Variants in SPATS2 observed in about 807,000 individuals in gnomAD.
The protein encoded by SPATS2 is spermatogenesis-associated serine-rich protein 2.
Under a neutral mutation model 63.7 loss-of-function variants are expected in SPATS2, and 38 were observed. The observed-to-expected ratio is 0.60, with a 90% CI of 0.46 to 0.78. SPATS2 has a LOEUF of 0.78. Among genes scored for constraint, SPATS2 ranks in the 30% least tolerant of loss-of-function variants. The pLI is 0.00. For synonymous variants in SPATS2, 207 were observed against 232.9 expected (o/e 0.89, Z 1.01); for missense variants, 588 against 666.2 (o/e 0.88, Z 1.29).
chr12:49,458,678 C>T (rs1028449648), intron 2 of SPATS2, among the ~76,000 whole-genome samples: 2 of 151,216 alleles, frequency 1.3e-5, no homozygotes, highest in African/African-American at 2.4e-5. Flanking sequence ...TACACGGGAG[C>T]CTGAGGCGGA....
At chr12:49,389,503 T>G in intron 2 of SPATS2, 2 of 874,276 alleles carry the variant, frequency 2.3e-6, no homozygotes, top group South Asian at 2.7e-5. Flanking sequence ...AAGAGCAGGA[T>G]ATATCTTTAG....
At chr12:49,525,825 G>A in intron 13 of SPATS2, 119 bp from the exon 14 acceptor site, 1 of 1,101,888 alleles carries the variant, frequency 9.1e-7, no homozygotes, top group Non-Finnish European at 1.3e-6. Context: ...AGTCTTGAGA[G>A]ATAACTGAGT....
At chr12:49,479,449 G>A (rs1304077941) in intron 3 of SPATS2, among the ~76,000 whole-genome samples, 1 of 152,254 alleles carries the variant, frequency 6.6e-6, no homozygotes, top group Non-Finnish European at 1.5e-5. Flanking sequence ...TAGCCTGTGA[G>A]GGCAGGGAGG....
At chr12:49,441,081 A>G (rs1255659970) in intron 2 of SPATS2, among the ~76,000 whole-genome samples, 1 of 152,212 alleles carries the variant, frequency 6.6e-6, no homozygotes, top group East Asian at 1.9e-4. Flanking sequence ...ATGTACAAGC[A>G]CTATTCTAAG....
chr12:49,398,335 C>G (rs147717423), intron 2 of SPATS2, among the ~76,000 whole-genome samples: 1 of 151,874 alleles, frequency 6.6e-6, no homozygotes, highest in Non-Finnish European at 1.5e-5. Context: ...CACGAACAGG[C>G]TTATGTTCAA....
At chr12:49,434,643 T>C (rs538392782) in intron 2 of SPATS2, among the ~76,000 whole-genome samples, 4 of 152,322 alleles carry the variant, frequency 2.6e-5, no homozygotes, top group Admixed American at 6.5e-5. Context: ...TTCTATACCT[T>C]GAGAGTCATT....
intron 2 of SPATS2, among the ~76,000 whole-genome samples, chr12:49,393,154 A>C (rs1002355899): frequency 2.0e-5 from 3 of 152,154 alleles, no homozygotes; most frequent in African/African-American, 4.8e-5. Context: ...GGACATTTTC[A>C]ACAATAAAAA....
chr12:49,388,260 CTGAT>C (rs982978792), intron 2 of SPATS2, among the ~76,000 whole-genome samples: 1 of 152,128 alleles, frequency 6.6e-6, no homozygotes, highest in Non-Finnish European at 1.5e-5. Flanking sequence ...TTTCAAAAAT[CTGAT>C]TGTCTTGATA....
intron 2 of SPATS2, among the ~76,000 whole-genome samples, chr12:49,409,144 T>A (rs1419306479): frequency 2.0e-5 from 3 of 152,156 alleles, no homozygotes; most frequent in Admixed American, 1.3e-4. Context: ...AGAATCAAAC[T>A]GCAAAAAACC....
intron 2 of SPATS2, among the ~76,000 whole-genome samples, chr12:49,409,941 T>C (rs1418159936): frequency 2.0e-5 from 3 of 152,116 alleles, no homozygotes; most frequent in African/African-American, 2.4e-5. Context: ...ATAGCTGAGT[T>C]GAGTGTAGAG....
chr12:49,427,634 T>G (rs898471755), intron 2 of SPATS2, among the ~76,000 whole-genome samples: 9 of 152,214 alleles, frequency 5.9e-5, no homozygotes, highest in African/African-American at 2.2e-4. Context: ...AATGAAACCC[T>G]TTCTGTTATG....
At chr12:49,410,328 G>T (rs939240941) in intron 2 of SPATS2, among the ~76,000 whole-genome samples, 3 of 151,944 alleles carry the variant, frequency 2.0e-5, no homozygotes, top group African/African-American at 7.3e-5. Flanking sequence ...CGCCCACCTC[G>T]GCCTCCCAAA....
intron 9 of SPATS2, among the ~76,000 whole-genome samples, chr12:49,506,673 C>T (rs1039058812): frequency 1.3e-5 from 2 of 152,028 alleles, no homozygotes; most frequent in Non-Finnish European, 2.9e-5. Flanking sequence ...ATAATGAGAT[C>T]CCGTCTTTAC....
intron 9 of SPATS2, among the ~76,000 whole-genome samples, chr12:49,503,799 C>T (rs771259856): frequency 3.3e-5 from 5 of 152,096 alleles, no homozygotes; most frequent in Non-Finnish European, 5.9e-5. Flanking sequence ...CAGCAGGAAA[C>T]GCAGTTCCGG....
At chr12:49,479,313 C>G (rs769040505) in intron 3 of SPATS2, among the ~76,000 whole-genome samples, 3 of 152,224 alleles carry the variant, frequency 2.0e-5, no homozygotes, top group Admixed American at 6.5e-5. Flanking sequence ...GGACCCACCC[C>G]CTTCTGCCCA....
intron 2 of SPATS2, among the ~76,000 whole-genome samples, chr12:49,421,416 CAAAAAAAAAA>C (rs71080195): frequency 1.5e-4 from 8 of 52,110 alleles, no homozygotes; most frequent in Admixed American, 9.2e-4. Context: ...GACTTTGTCT[CAAAAAAAAAA>C]AAAAAAAAAA....
intron 2 of SPATS2, among the ~76,000 whole-genome samples, chr12:49,394,238 T>A (rs779709357): frequency 2.0e-5 from 3 of 150,396 alleles, no homozygotes; most frequent in Admixed American, 6.7e-5. Flanking sequence ...CTTGGGAGGC[T>A]GAGGTGGGAG....
At chr12:49,384,360 A>G (rs1243798678) in intron 2 of SPATS2, among the ~76,000 whole-genome samples, 5 of 152,350 alleles carry the variant, frequency 3.3e-5, no homozygotes, top group African/African-American at 9.6e-5. Flanking sequence ...CAAATGTAAT[A>G]TGCTTATTGT....
At position 49,514,511 on chromosome 12, in the gene SPATS2, G is replaced by T; in HGVS notation, c.840-44G>T. On this transcript the variant is annotated intron_variant, in intron 9 of 13. Coordinates refer to ENST00000552918, the MANE Select transcript of SPATS2 (RefSeq NM_023071.4). ...TTAATAATGTGCTAATTTTGTATTT[G>T]AGTTTCTGATCAAACTTTTTATTCC... 1 of 1,579,500 alleles carries T rather than the reference G, an allele frequency of 6.3e-7. No individual in the cohort carries two copies. The highest frequency in any genetic ancestry group is 8.7e-7 in the Non-Finnish European group (1 of 1,155,406).
Sources: allele counts gnomAD v4.1 joint callset (sites outside exome capture counted in the v4.1 genomes callset), GRCh38; gene constraint gnomAD v4.1.1; transcripts MANE v1.5; gene names NCBI Gene and HGNC (gene_info 2026-07-23, HGNC 2026-07-21).